BFSP1: variants seen among roughly 807,000 people sequenced by gnomAD.
BFSP1 encodes filensin.
In BFSP1, 38 loss-of-function variants were observed where a neutral mutation model predicts 43.9. That is an observed-to-expected ratio of 0.87 (90% CI 0.67 to 1.14). BFSP1 has a LOEUF of 1.14. BFSP1 is among the 50% of genes most tolerant of loss of function. The pLI is 0.00. For missense variants in BFSP1, 850 were observed against 875.1 expected (o/e 0.97, Z 0.36); for synonymous variants, 352 against 354.8 (o/e 0.99, Z 0.09).
At chr20:17,495,874 G>A (rs937673936) in intron 7 of BFSP1, among the ~76,000 whole-genome samples, 6 of 152,092 alleles carry the variant, frequency 3.9e-5, no homozygotes, top group South Asian at 2.1e-4. Flanking sequence ...ATCAAGCACC[G>A]GCATCAAGCA....
chr20:17,498,763 C>T (rs2033716218), intron 6 of BFSP1, 57 bp downstream of exon 6: 1 of 1,565,574 alleles, frequency 6.4e-7, no homozygotes, highest in Non-Finnish European at 8.7e-7. Context: ...ACAATAGGCA[C>T]TCAATAAAGA....
At chr20:17,519,691 C>T (rs1281388569) in intron 2 of BFSP1, among the ~76,000 whole-genome samples, 1 of 152,184 alleles carries the variant, frequency 6.6e-6, no homozygotes, top group Non-Finnish European at 1.5e-5. Flanking sequence ...TTTATAACTG[C>T]TCATAGTGAT....
chr20:17,552,311 G>C (rs2034907983), intron 1 of BFSP1, among the ~76,000 whole-genome samples: 1 of 152,110 alleles, frequency 6.6e-6, no homozygotes, highest in East Asian at 1.9e-4. Context: ...AATAGGATGT[G>C]CCTGGTTTGT....
In BFSP1 at chr20:17,553,826, T is replaced by C. The variant is rs7508846; in HGVS notation, c.2+4862A>G. Among the ~76,000 whole-genome samples, 164 of 87,000 alleles carry C rather than the reference T, an allele frequency of 1.9e-3. 3 individuals carry two copies. The highest frequency in any genetic ancestry group is 4.7e-3 in the African/African-American group (65 of 13,978). 57.1% of individuals were successfully genotyped at this position (87,000 alleles called of 152,430 possible). ...ACACACACACACACACACACACACA[T>C]ATATATATATACACATATATATACA... On this transcript the variant is annotated intron_variant, in intron 1 of 7. Coordinates refer to the BFSP1 transcript ENST00000377868.
At chr20:17,521,447 A>C (rs1033583994) in intron 2 of BFSP1, among the ~76,000 whole-genome samples, 6 of 152,338 alleles carry the variant, frequency 3.9e-5, no homozygotes, top group African/African-American at 1.4e-4. Flanking sequence ...GTGATGTCCC[A>C]CGGCCACACC....
chr20:17,548,406 A>G (rs193198515), intron 1 of BFSP1, among the ~76,000 whole-genome samples: 39 of 152,288 alleles, frequency 2.6e-4, no homozygotes, highest in Admixed American at 2.2e-3. Flanking sequence ...GCTCTCTTAA[A>G]CTGGCTTTGC....
chr20:17,536,385 G>A (rs1395507318), intron 1 of BFSP1, among the ~76,000 whole-genome samples: 3 of 152,026 alleles, frequency 2.0e-5, no homozygotes, highest in East Asian at 1.9e-4. Context: ...ACCCCATGTC[G>A]ACAAAAAATA....
chr20:17,540,582 G>A (rs1180750682), intron 1 of BFSP1, among the ~76,000 whole-genome samples: 1 of 152,138 alleles, frequency 6.6e-6, no homozygotes, highest in Non-Finnish European at 1.5e-5. Flanking sequence ...GGGCAGGGCT[G>A]ATAGCAATGC....
upstream of BFSP1, chr20:17,560,458 G>C (rs1163942993): frequency 2.6e-5 from 4 of 152,266 alleles, no homozygotes; most frequent in East Asian, 7.7e-4. Context: ...AAGGGAACTT[G>C]GGCCAAGTTT....
At chr20:17,523,978 G>A (rs149357230) in intron 2 of BFSP1, among the ~76,000 whole-genome samples, 283 of 152,242 alleles carry the variant, frequency 1.9e-3, no homozygotes, top group African/African-American at 6.3e-3. Flanking sequence ...CCTGGGCATG[G>A]CAGGGAAGAG....
At chr20:17,523,882 T>C (rs1251605106) in intron 2 of BFSP1, among the ~76,000 whole-genome samples, 3 of 151,856 alleles carry the variant, frequency 2.0e-5, no homozygotes, top group Non-Finnish European at 1.5e-5. Flanking sequence ...CTGGACAAAG[T>C]GAAGGGATGG....
chr20:17,502,458 C>T (rs1177897401), intron 5 of BFSP1, among the ~76,000 whole-genome samples: 2 of 152,210 alleles, frequency 1.3e-5, no homozygotes, highest in Admixed American at 6.5e-5. Context: ...GGGACCATCC[C>T]AGTATGGGGG....
chr20:17,540,515 G>A (rs1487290253), intron 1 of BFSP1, among the ~76,000 whole-genome samples: 3 of 151,952 alleles, frequency 2.0e-5, no homozygotes, highest in South Asian at 2.1e-4. Flanking sequence ...AAGGTCCCCC[G>A]CTGTTTACCT....
upstream of BFSP1, among the ~76,000 whole-genome samples, chr20:17,534,017 G>A (rs6044865): frequency 1.2e-4 from 18 of 152,294 alleles, no homozygotes; most frequent in Admixed American, 9.2e-4. Context: ...TCTAACTTCA[G>A]GTGCACTGGG....
chr20:17,494,618 T>C lies in BFSP1; in HGVS notation c.1454A>G (p.Tyr485Cys), dbSNP rs774517435. Residue 485 changes from tyrosine to cysteine, a missense_variant, in exon 8 of 8, where the codon TAT becomes TGT. Transcript: ENST00000377873. ...GDANYVDPRFYVSSITAKGGV... is the reference protein window; with the variant it reads ...GDANYVDPRFCVSSITAKGGV... ...ACCTTTAGCTGTGATGGAGGAGACA[T>C]AGAATCTAGGGTCCACGTAATTGGC... The C allele has an allele frequency of 9.9e-6, 16 of 1,614,188 alleles. No homozygotes were observed. The highest frequency in any genetic ancestry group is 1.6e-4 in the Middle Eastern group (1 of 6,062).
upstream of BFSP1, among the ~76,000 whole-genome samples, chr20:17,561,325 C>T (rs1043980191): frequency 2.6e-5 from 4 of 151,816 alleles, no homozygotes; most frequent in Non-Finnish European, 4.4e-5. Context: ...AGTGAAACCC[C>T]GTCTGTACTA....
intron 1 of BFSP1, among the ~76,000 whole-genome samples, chr20:17,527,761 AG>A (rs2034453432): frequency 1.3e-5 from 2 of 152,098 alleles, no homozygotes; most frequent in African/African-American, 4.8e-5. Context: ...AGAGAGAGAG[AG>A]AGAGTGATTT....
At chr20:17,520,241 GT>G (rs1431889682) in intron 2 of BFSP1, among the ~76,000 whole-genome samples, 8 of 105,102 alleles carry the variant, frequency 7.6e-5, no homozygotes, top group Middle Eastern at 6.0e-3. Flanking sequence ...TTCACCCCAG[GT>G]AACACTGATG....
At chr20:17,504,124 G>A (rs2033872480) in intron 5 of BFSP1, among the ~76,000 whole-genome samples, 1 of 152,114 alleles carries the variant, frequency 6.6e-6, no homozygotes, top group South Asian at 2.1e-4. Context: ...ATCCTCTGCT[G>A]GAACACTGCG....
Sources: allele counts gnomAD v4.1 joint callset (sites outside exome capture counted in the v4.1 genomes callset), GRCh38; gene constraint gnomAD v4.1.1; transcripts MANE v1.5; gene names NCBI Gene and HGNC (gene_info 2026-07-23, HGNC 2026-07-21).